The following IL22RA2 variants were observed in gnomAD, a reference collection of about 807,000 sequenced individuals.
IL22RA2 encodes the protein interleukin-22 receptor subunit alpha-2.
Under a neutral mutation model 30.7 loss-of-function variants are expected in IL22RA2, and 39 were observed. That is an observed-to-expected ratio of 1.27 (90% CI 0.98 to 1.66). The LOEUF (loss-of-function observed/expected upper bound fraction) is 1.66. Among genes scored for constraint, IL22RA2 ranks in the 40% most tolerant of loss-of-function variants. The pLI is 0.00. For synonymous variants in IL22RA2, 103 were observed against 105.0 expected, an observed-to-expected ratio of 0.98 and a Z score of 0.11; for missense variants, 315 against 312.7, an observed-to-expected ratio of 1.01 and a Z score of -0.05.
At chr6:137,146,315 A>AACC (rs1159957518) in intron 6 of IL22RA2, among the ~76,000 whole-genome samples, 3 of 152,180 alleles carry the variant, frequency 2.0e-5, no homozygotes, top group Non-Finnish European at 2.9e-5. Flanking sequence ...TACAGGCATG[A>AACC]ACCACCCCAC....
intron 6 of IL22RA2, 54 bp from the exon 7 acceptor site, chr6:137,145,827 G>C: frequency 6.3e-7 from 1 of 1,598,122 alleles, no homozygotes; most frequent in Non-Finnish European, 8.6e-7. Context: ...TTAAGTCACA[G>C]CTGCATTTTT....
chr6:137,149,840 C>G (rs1037587450), intron 5 of IL22RA2, among the ~76,000 whole-genome samples: 3 of 152,164 alleles, frequency 2.0e-5, no homozygotes, highest in African/African-American at 7.2e-5. Context: ...ATCTTTCAGT[C>G]CCTTGAGTTT....
At chr6:137,150,777 A>C (rs1443734971) in intron 5 of IL22RA2, among the ~76,000 whole-genome samples, 2 of 152,160 alleles carry the variant, frequency 1.3e-5, no homozygotes, top group Non-Finnish European at 2.9e-5. Context: ...CCTCTACTAG[A>C]GAATTGCTTG....
At position 137,154,948 on chromosome 6, in the gene IL22RA2, C is replaced by G. The variant is rs148832487; in HGVS notation, c.465G>C (p.Trp155Cys). Residue 155 changes from tryptophan (W) to cysteine (C), a missense_variant, in exon 5 of 7, where the codon TGG becomes TGC. Transcript: ENST00000296980. Reference sequence around the variant, plus strand: ...AAACTCCATGGAACTCACTTTCCCACCAGGGAGTGAACCGCGGCGTCATGC... The same window carrying G: ...AAACTCCATGGAACTCACTTTCCCAGCAGGGAGTGAACCGCGGCGTCATGC... ...EWSMTPRFTP[W>C]WETKIDPPVM... is the part of the protein sequence containing the mutation. The G allele has an allele frequency of 6.8e-6, 11 of 1,613,910 alleles. No homozygotes were observed. The African/African-American group carries it at 1.3e-4, about 20-fold the overall frequency.
At chr6:137,165,227 C>T (rs904921881) in intron 1 of IL22RA2, among the ~76,000 whole-genome samples, 21 of 152,144 alleles carry the variant, frequency 1.4e-4, no homozygotes, top group African/African-American at 2.7e-4. Context: ...CTCAGAGGTT[C>T]GCCAGAAGCC....
At chr6:137,171,031 A>G (rs543702349) in intron 1 of IL22RA2, among the ~76,000 whole-genome samples, 4 of 152,312 alleles carry the variant, frequency 2.6e-5, no homozygotes, top group African/African-American at 9.6e-5. Flanking sequence ...GGGGAAATGT[A>G]TACTGGTTTC....
At chr6:137,162,184 C>T (rs1778534003) in intron 1 of IL22RA2, among the ~76,000 whole-genome samples, 1 of 152,128 alleles carries the variant, frequency 6.6e-6, no homozygotes, top group South Asian at 2.1e-4. Context: ...GACTTGGCTG[C>T]CAGGGTGATT....
chr6:137,156,658 T>C, intron 4 of IL22RA2, 101 bp downstream of exon 4: 1 of 1,464,934 alleles, frequency 6.8e-7, no homozygotes, highest in Non-Finnish European at 9.3e-7. Context: ...AGGAATGGAT[T>C]CAGGTATTCT....
intron 6 of IL22RA2, among the ~76,000 whole-genome samples, chr6:137,147,420 G>A (rs142361104): frequency 1.4e-3 from 209 of 151,118 alleles, no homozygotes; most frequent in Admixed American, 3.6e-3. Context: ...AATAAGGTGT[G>A]CAAAGCCCGT....
intron 1 of IL22RA2, among the ~76,000 whole-genome samples, chr6:137,163,746 G>A (rs1778572478): frequency 6.6e-6 from 1 of 152,170 alleles, no homozygotes; most frequent in Non-Finnish European, 1.5e-5. Context: ...CACCCTAATT[G>A]ACACCAGACG....
At chr6:137,172,890 C>T (rs1296511870) in intron 1 of IL22RA2, among the ~76,000 whole-genome samples, 1 of 151,626 alleles carries the variant, frequency 6.6e-6, no homozygotes, top group African/African-American at 2.4e-5. Flanking sequence ...TTAGAGCTAC[C>T]TATTATAGTA....
At position 137,144,783 on chromosome 6, in the gene IL22RA2, G is replaced by A. The variant is rs1778139670; in HGVS notation, c.*841C>T. The A allele has an allele frequency of 6.6e-6, 1 of 152,088 alleles. No homozygotes were observed. Among genetic ancestry groups the A allele is most frequent in the South Asian group, 2.1e-4 (1 of 4,826 alleles). 9.4% of individuals were successfully genotyped at this position (152,088 alleles called of 1,614,324 possible). On this transcript the variant is annotated 3_prime_UTR_variant, in exon 7 of 7. Transcript: ENST00000296980. ...ACAAGCAAGACACTCTTGGCCAGAA[G>A]GATTGAGTAATGAGGTTTCCTTTCT...
At chr6:137,162,122 G>A (rs1001817975) in intron 1 of IL22RA2, among the ~76,000 whole-genome samples, 1 of 152,110 alleles carries the variant, frequency 6.6e-6, no homozygotes, top group East Asian at 1.9e-4. Flanking sequence ...AACAACTAGT[G>A]GGGCCTTAAG....
intron 5 of IL22RA2, among the ~76,000 whole-genome samples, chr6:137,152,274 G>C (rs978287520): frequency 6.6e-6 from 1 of 151,930 alleles, no homozygotes; most frequent in African/African-American, 2.4e-5. Flanking sequence ...TTACATGACT[G>C]TTTATAGTAG....
chr6:137,164,321 C>T (rs28741386), intron 1 of IL22RA2, among the ~76,000 whole-genome samples: 5,307 of 152,062 alleles, frequency 0.035, 110 homozygotes, highest in Middle Eastern at 0.086. Flanking sequence ...GAGAACAGCC[C>T]GGGCACCTGG....
chr6:137,150,710 C>A (rs1778273071), intron 5 of IL22RA2, among the ~76,000 whole-genome samples: 1 of 152,144 alleles, frequency 6.6e-6, no homozygotes, highest in Non-Finnish European at 1.5e-5. Context: ...AATAATCACA[C>A]TGATCTGTGA....
chr6:137,162,816 C>A (rs1778548676), intron 1 of IL22RA2, among the ~76,000 whole-genome samples: 1 of 152,144 alleles, frequency 6.6e-6, no homozygotes, highest in South Asian at 2.1e-4. Context: ...TGAACAGAGC[C>A]ATGTGTGTGT....
chr6:137,166,771 T>C (rs987409753), intron 1 of IL22RA2, among the ~76,000 whole-genome samples: 5 of 152,202 alleles, frequency 3.3e-5, no homozygotes, highest in African/African-American at 4.8e-5. Context: ...GGAACACATA[T>C]GGGAAAAACT....
At chr6:137,155,448 A>G (rs1778384201) in intron 4 of IL22RA2, among the ~76,000 whole-genome samples, 1 of 151,852 alleles carries the variant, frequency 6.6e-6, no homozygotes, top group Non-Finnish European at 1.5e-5. Context: ...CTCTCTGCAG[A>G]GACTTAAGGT....
Sources: gnomAD v4.1 joint callset for allele counts (sites outside exome capture counted in the v4.1 genomes callset) on GRCh38, gnomAD v4.1.1 for gene constraint, MANE v1.5 for transcripts, NCBI Gene and HGNC (gene_info 2026-07-23, HGNC 2026-07-21) for gene names.